Variants in KIAA1549L observed in about 807,000 individuals in gnomAD.
The protein encoded by KIAA1549L is UPF0606 protein KIAA1549L.
KIAA1549L carries 88 observed loss-of-function variants against 160.7 expected under a neutral mutation model. The observed-to-expected ratio is 0.55, with a 90% CI of 0.46 to 0.65. The LOEUF (loss-of-function observed/expected upper bound fraction) is 0.65. KIAA1549L is among the 30% of genes least tolerant of loss of function. The pLI, the probability that KIAA1549L is intolerant of heterozygous loss-of-function variation, is 0.00. For synonymous variants in KIAA1549L, 950 were observed against 976.7 expected (o/e 0.97, Z 0.51); for missense variants, 2,258 against 2,437.5 (o/e 0.93, Z 1.55).
chr11:33,556,339 CAA>C (rs935939947), intron 6 of KIAA1549L, among the ~76,000 whole-genome samples: 8 of 152,156 alleles, frequency 5.3e-5, no homozygotes, highest in Non-Finnish European at 1.5e-5. Flanking sequence ...AGTAGGGACT[CAA>C]ACAGGTATTT....
At chr11:33,659,728 T>C (rs1852196250) in intron 19 of KIAA1549L, among the ~76,000 whole-genome samples, 1 of 152,196 alleles carries the variant, frequency 6.6e-6, no homozygotes, top group East Asian at 1.9e-4. Context: ...ATACACACTC[T>C]CCTGGGAGGA....
intron 16 of KIAA1549L, among the ~76,000 whole-genome samples, chr11:33,640,683 T>C (rs1386080996): frequency 6.6e-6 from 1 of 152,260 alleles, no homozygotes; most frequent in Non-Finnish European, 1.5e-5. Context: ...ACGGTAGTTA[T>C]TTCTGGCGAT....
intron 1 of KIAA1549L, among the ~76,000 whole-genome samples, chr11:33,440,113 T>C (rs1322317892): frequency 1.5e-5 from 2 of 134,366 alleles, no homozygotes; most frequent in African/African-American, 5.4e-5. Context: ...CCTCACCTAT[T>C]TTGTTTCTTT....
chr11:33,415,773 G>A (rs1850875774), intron 1 of KIAA1549L, among the ~76,000 whole-genome samples: 1 of 152,104 alleles, frequency 6.6e-6, no homozygotes, highest in South Asian at 2.1e-4. Flanking sequence ...GAAGAAGCCA[G>A]CAAACACTGA....
chr11:33,645,789 T>C lies in KIAA1549L; in HGVS notation c.5513T>C (p.Leu1838Pro). 6.2e-7 allele frequency: 1 copy of C among 1,613,936 alleles called. No individual in the cohort carries two copies. Among genetic ancestry groups the C allele is most frequent in the Non-Finnish European group, 8.5e-7 (1 of 1,179,872 alleles). The part of the protein sequence containing the change: ...QVKGHSETST[L>P]SSQPSIDEVR... ...AAAGGCCACTCGGAGACCTCCACAC[T>C]GAGCTCCCAGCCATCCATCGACGAG... is the stretch of plus-strand genomic sequence containing the variant. Residue 1838 changes from leucine to proline, a missense_variant, in exon 17 of 21, where the codon CTG (leucine) becomes CCG (proline). By Grantham distance (98) the Leu-to-Pro change is moderately conservative. Transcript: ENST00000658780.
At chr11:33,657,845 C>A (rs1225701490) in intron 18 of KIAA1549L, among the ~76,000 whole-genome samples, 1 of 152,134 alleles carries the variant, frequency 6.6e-6, no homozygotes, top group African/African-American at 2.4e-5. Context: ...GGAACCCAGA[C>A]CTCTGCCTCC....
intron 1 of KIAA1549L, among the ~76,000 whole-genome samples, chr11:33,400,607 C>T (rs1850479786): frequency 6.6e-6 from 1 of 152,132 alleles, no homozygotes; most frequent in South Asian, 2.1e-4. Context: ...TGGCATTTTG[C>T]TTCTGAAATA....
At position 33,496,447 on chromosome 11, in the gene KIAA1549L, G is replaced by C. The variant is rs141909570; in HGVS notation, c.239-45355G>C. Among the ~76,000 whole-genome samples the C allele has an allele frequency of 2.5e-3, 374 of 152,346 alleles. 4 individuals are homozygous for C. In the South Asian group the frequency reaches 0.025, roughly 10 times the overall value. On this transcript the variant is annotated intron_variant, in intron 1 of 20. Transcript: ENST00000658780. The stretch of plus-strand genomic sequence containing the variant: ...CCGGCATCTCTTTTGCAATATGCTT[G>C]CTGGTCTAGTGCACATCTTGGCTGA...
chr11:33,667,805 G>C, intron 20 of KIAA1549L, 68 bp from the exon 21 acceptor site: 10 of 1,404,808 alleles, frequency 7.1e-6, no homozygotes, highest in Non-Finnish European at 9.7e-6. Flanking sequence ...CCAGTGTCAA[G>C]TGTGTCCTGT....
chr11:33,562,150 C>T (rs148212361), intron 8 of KIAA1549L, among the ~76,000 whole-genome samples: 2 of 152,336 alleles, frequency 1.3e-5, no homozygotes, highest in East Asian at 3.9e-4. Flanking sequence ...AACATGTACC[C>T]AGACCAATCC....
chr11:33,614,147 G>A (rs953644116), intron 15 of KIAA1549L, among the ~76,000 whole-genome samples: 2 of 152,124 alleles, frequency 1.3e-5, no homozygotes, highest in Non-Finnish European at 2.9e-5. Context: ...AACTGGAAGC[G>A]TAAGTTACAC....
At chr11:33,438,546 C>T (rs1056314863) in intron 1 of KIAA1549L, among the ~76,000 whole-genome samples, 1 of 152,232 alleles carries the variant, frequency 6.6e-6, no homozygotes, top group Admixed American at 6.5e-5. Flanking sequence ...GGCCAGTGGT[C>T]ATGCTGGCCA....
intron 15 of KIAA1549L, among the ~76,000 whole-genome samples, chr11:33,617,145 A>G (rs1346279725): frequency 6.6e-6 from 1 of 151,990 alleles, no homozygotes; most frequent in South Asian, 2.1e-4. Flanking sequence ...AAAAAAAAAA[A>G]AAAAAGGAAT....
At chr11:33,655,046 G>A (rs186208157) in intron 17 of KIAA1549L, among the ~76,000 whole-genome samples, 6 of 152,256 alleles carry the variant, frequency 3.9e-5, no homozygotes, top group Admixed American at 1.3e-4. Flanking sequence ...AGAAAGAAAC[G>A]GATGAGAACC....
chr11:33,590,720 G>T (rs1850027538), intron 11 of KIAA1549L, among the ~76,000 whole-genome samples: 2 of 152,174 alleles, frequency 1.3e-5, no homozygotes, highest in South Asian at 4.1e-4. Flanking sequence ...CTCAAGGGTG[G>T]TAGAAGTAAA....
At chr11:33,414,948 A>G (rs1458226248) in intron 1 of KIAA1549L, among the ~76,000 whole-genome samples, 1 of 151,902 alleles carries the variant, frequency 6.6e-6, no homozygotes, top group Admixed American at 6.6e-5. Context: ...TCTTTATCAT[A>G]TGTTGCAGAT....
chr11:33,488,500 G>A (rs913571774), intron 1 of KIAA1549L, among the ~76,000 whole-genome samples: 3 of 152,150 alleles, frequency 2.0e-5, no homozygotes, highest in Non-Finnish European at 4.4e-5. Flanking sequence ...TACTAGCATT[G>A]ATTAATTGCT....
intron 1 of KIAA1549L, among the ~76,000 whole-genome samples, chr11:33,416,696 G>T (rs1850896235): frequency 6.6e-6 from 1 of 152,086 alleles, no homozygotes; most frequent in Non-Finnish European, 1.5e-5. Flanking sequence ...ATTCTCTTTG[G>T]ATTGTAAGGG....
chr11:33,460,354 A>G (rs1851917958), intron 1 of KIAA1549L, among the ~76,000 whole-genome samples: 1 of 152,202 alleles, frequency 6.6e-6, no homozygotes. Flanking sequence ...GAAGAACTCA[A>G]GAATCCATCC....
Sources: gnomAD v4.1 joint callset for allele counts (sites outside exome capture counted in the v4.1 genomes callset) on GRCh38, gnomAD v4.1.1 for gene constraint, MANE v1.5 for transcripts, NCBI Gene and HGNC (gene_info 2026-07-23, HGNC 2026-07-21) for gene names.